The following L3MBTL1 variants were observed in gnomAD, a reference collection of about 807,000 sequenced individuals.
L3MBTL1 encodes the protein lethal(3)malignant brain tumor-like protein 1.
A neutral mutation model predicts 105.3 loss-of-function variants in L3MBTL1; 75 were observed. The observed-to-expected ratio is 0.71, with a 90% CI of 0.59 to 0.86. The LOEUF (loss-of-function observed/expected upper bound fraction) is 0.86, where lower values mean the gene tolerates loss of function less well. Ranked by LOEUF, L3MBTL1 falls within the 40% of genes least tolerant of loss-of-function variation. The pLI is 0.00. For missense variants in L3MBTL1, 1,069 were observed against 1,126.4 expected (o/e 0.95, Z 0.73); for synonymous variants, 452 against 436.2 (o/e 1.04, Z -0.45).
Position 43,516,105 on chromosome 20 carries a change from GAAGGA to G in L3MBTL1, c.796_800del (p.Lys266ProfsTer8). On this transcript the variant is annotated frameshift_variant, in exon 7 of 22. Transcript: ENST00000418998. LOFTEE classifies it high-confidence loss of function. The stretch of plus-strand genomic sequence containing the variant: ...TTGCCTTCTACAGGAGAAGCAAGAA[GAAGGA>G]AAGGACCCAGAGGGACAACCCACTG... 5 of 1,613,910 alleles carry G rather than the reference GAAGGA, an allele frequency of 3.1e-6. No homozygotes were observed. Among genetic ancestry groups the G allele is most frequent in the Non-Finnish European group, 3.4e-6 (4 of 1,179,826 alleles).
chr20:43,524,710 G>A (rs933894268), intron 7 of L3MBTL1, among the ~76,000 whole-genome samples: 7 of 151,078 alleles, frequency 4.6e-5, no homozygotes, highest in African/African-American at 9.7e-5. Context: ...CTATGGCTAC[G>A]TCTTGAAGGA....
intron 7 of L3MBTL1, among the ~76,000 whole-genome samples, chr20:43,516,826 C>G (rs748521751): frequency 2.0e-5 from 3 of 151,924 alleles, no homozygotes; most frequent in African/African-American, 7.3e-5. Context: ...CCGGGTCTTG[C>G]TCTGTTGCCC....
rs535640883 is a variant in L3MBTL1 at position 43,541,509 on chromosome 20, C to G, written c.*381C>G. The G allele has an allele frequency of 5.3e-5, 10 of 188,814 alleles. No individual in the cohort carries two copies. The East Asian group carries it at 1.1e-3, about 21-fold the overall frequency. The allele number at this position is 188,814 out of a possible 1,614,324, so 11.7% of individuals were successfully genotyped here. On this transcript the variant is annotated 3_prime_UTR_variant, in exon 22 of 22. Coordinates refer to ENST00000418998, the MANE Select transcript of L3MBTL1 (RefSeq NM_001377303.1). ...GGGATACATTCTTAGAAATGTGTCACTAGGCAATTCTGTCATTGTGTAAAC... is the reference window on the plus strand; with the variant it reads ...GGGATACATTCTTAGAAATGTGTCAGTAGGCAATTCTGTCATTGTGTAAAC...
At position 43,536,413 on chromosome 20, in the gene L3MBTL1, G is replaced by C; in HGVS notation, c.2128G>C (p.Gly710Arg). Residue 710 changes from glycine (G) to arginine (R), a missense_variant, in exon 19 of 22, where the codon GGA becomes CGA. Gly to Arg is a moderately radical substitution (Grantham distance 125). Coordinates refer to ENST00000418998, the MANE Select transcript of L3MBTL1 (RefSeq NM_001377303.1). ...ACCTGGTCCGTCTTTCTCCAGAATT[G>C]GACGCCCTCCGAAGTATCGAAAGAT... ...RKKPRHHGRI[G>R]RPPKYRKIPQ... 1 of 1,614,054 alleles carries C rather than the reference G, an allele frequency of 6.2e-7. No homozygotes were observed. Among genetic ancestry groups the C allele is most frequent in the Non-Finnish European group, 8.5e-7 (1 of 1,180,034 alleles).
At position 43,514,338 on chromosome 20, in the gene L3MBTL1, CTG is replaced by C. The variant is rs980574625; in HGVS notation, c.360+281_360+282del. Reference sequence around the variant, plus strand: ...TTAGACTGGGGCACCCTGAGTGGGCCTGTGTTAGTTTGGGGGCGTGGCTTAGA... The same window carrying C: ...TTAGACTGGGGCACCCTGAGTGGGCCTGTTAGTTTGGGGGCGTGGCTTAGA... On this transcript the variant is annotated intron_variant, in intron 3 of 21. Coordinates refer to ENST00000418998, the MANE Select transcript of L3MBTL1 (RefSeq NM_001377303.1). 6.2e-6 allele frequency: 7 copies of C among 1,125,652 alleles called. No homozygotes were observed. The South Asian group carries it at 9.9e-5, about 16-fold the overall frequency. 69.7% of individuals were successfully genotyped at this position (1,125,652 alleles called of 1,614,324 possible). A position where few individuals can be genotyped will look rare whatever the true frequency, so the allele number is the denominator to read the frequency against.
chr20:43,514,513 A>C (rs765949414), intron 3 of L3MBTL1, 122 bp from the exon 4 acceptor site: 13 of 1,551,190 alleles, frequency 8.4e-6, no homozygotes, highest in South Asian at 2.4e-5. Flanking sequence ...CCTGGCGTGG[A>C]GTCTTGAGGC....
chr20:43,523,692 A>G, intron 7 of L3MBTL1: 1 of 154,822 alleles, frequency 6.5e-6, no homozygotes, highest in East Asian at 1.9e-4. Context: ...TATCTATAGG[A>G]CATTTTTAAA....
chr20:43,540,447 C>A, intron 20 of L3MBTL1, 139 bp downstream of exon 20: 1 of 986,544 alleles, frequency 1.0e-6, no homozygotes, highest in Non-Finnish European at 1.5e-6. Flanking sequence ...TGTGCACAGT[C>A]CCTTCTAGCT....
In L3MBTL1 at chr20:43,541,112, G is replaced by T. The variant is rs760372214; in HGVS notation, c.2573G>T (p.Ser858Ile). 22 of 1,613,886 alleles carry T rather than the reference G, an allele frequency of 1.4e-5. No homozygotes were observed. The highest frequency in any genetic ancestry group is 1.8e-5 in the Non-Finnish European group (21 of 1,179,810). The change falls in exon 22 of 22, where the codon AGT becomes ATT. Residue 858 changes from serine to isoleucine, a missense_variant. By Grantham distance (142) the Ser-to-Ile change is moderately radical. Transcript: ENST00000418998. ...TTGCTTGCCAAACTTAGCTTTGCCA[G>T]TGATAGTCAATATTAAAGTGTACTT... is the stretch of plus-strand genomic sequence containing the variant. Reference protein sequence around the residue: ...THLLAKLSFASDSQY With the variant: ...THLLAKLSFAIDSQY
At chr20:43,508,336 G>T (rs982897999) in intron 1 of L3MBTL1, among the ~76,000 whole-genome samples, 11 of 152,154 alleles carry the variant, frequency 7.2e-5, no homozygotes, top group Admixed American at 2.6e-4. Flanking sequence ...GAGGCTGGTG[G>T]CGGGTCCCGA....
rs1428159707 is a variant in L3MBTL1, at chr20:43,513,499, CT to C, written c.-4del. 1 of 1,549,984 alleles carries C rather than the reference CT, an allele frequency of 6.5e-7. No individual in the cohort carries two copies. The highest frequency in any genetic ancestry group is 8.7e-7 in the Non-Finnish European group (1 of 1,146,592). ...AGGCCTGCCAGGATGGAGGGGCATGCTGGGATGGAGGGGCATGCTGAAATGG... is the reference window on the plus strand; with the variant it reads ...AGGCCTGCCAGGATGGAGGGGCATGCGGGATGGAGGGGCATGCTGAAATGG... On this transcript the variant is annotated 5_prime_UTR_variant, in exon 2 of 22. Coordinates refer to ENST00000418998, the MANE Select transcript of L3MBTL1 (RefSeq NM_001377303.1).
intron 7 of L3MBTL1, among the ~76,000 whole-genome samples, chr20:43,526,683 A>G (rs2019049507): frequency 6.6e-6 from 1 of 152,128 alleles, no homozygotes; most frequent in African/African-American, 2.4e-5. Context: ...TTCTAGGCCG[A>G]GTGCGGTGGT....
downstream of L3MBTL1, chr20:43,541,979 G>A (rs1284693393): frequency 8.6e-6 from 7 of 815,786 alleles, no homozygotes; most frequent in Non-Finnish European, 1.0e-5. Flanking sequence ...GGGAGGCCAC[G>A]GTGGGTGGAT....
Position 43,514,690 on chromosome 20 carries a change from G to T in L3MBTL1, c.416G>T (p.Ser139Ile), listed in dbSNP as rs17857202. Residue 139 changes from serine to isoleucine, a missense_variant, in exon 4 of 22, where the codon AGC becomes ATC. Ser to Ile is a moderately radical substitution (Grantham distance 142, BLOSUM62 -2). Coordinates refer to ENST00000418998, the MANE Select transcript of L3MBTL1 (RefSeq NM_001377303.1). Reference protein sequence around the residue: ...LNMAGVEQPPSPELRQEGVTE... With the variant: ...LNMAGVEQPPIPELRQEGVTE... ...ATGGCGGGAGTGGAGCAGCCCCCGAGCCCCGAGCTGCGGCAGGAAGGCGTG... is the reference window on the plus strand; with the variant it reads ...ATGGCGGGAGTGGAGCAGCCCCCGATCCCCGAGCTGCGGCAGGAAGGCGTG... The T allele has an allele frequency of 6.3e-7, 1 of 1,587,078 alleles. No individual in the cohort carries two copies. The highest frequency in any genetic ancestry group is 8.6e-7 in the Non-Finnish European group (1 of 1,167,024).
chr20:43,519,264 G>C (rs2018580176), intron 7 of L3MBTL1, among the ~76,000 whole-genome samples: 1 of 150,976 alleles, frequency 6.6e-6, no homozygotes, highest in Non-Finnish European at 1.5e-5. Context: ...TTGAACCCAG[G>C]AGGCAGAGGT....
At chr20:43,514,516 C>G in intron 3 of L3MBTL1, 119 bp from the exon 4 acceptor site, 1 of 1,558,128 alleles carries the variant, frequency 6.4e-7, no homozygotes, top group Non-Finnish European at 8.7e-7. Flanking sequence ...GGCGTGGAGT[C>G]TTGAGGCCTG....
At chr20:43,541,929 G>C (rs529099583), downstream of L3MBTL1, 11 of 984,748 alleles carry the variant, frequency 1.1e-5, no homozygotes, top group Non-Finnish European at 1.3e-5. Context: ...GAACTTTGTC[G>C]GCCGGGCACA....
chr20:43,530,251 C>A (rs369437899), intron 9 of L3MBTL1, 33 bp from the exon 10 acceptor site: 1 of 1,613,174 alleles, frequency 6.2e-7, no homozygotes, highest in African/African-American at 1.3e-5. Context: ...CATCTCCTGA[C>A]ATTGGAGTTC....
At chr20:43,512,814 C>G (rs911994670) in intron 1 of L3MBTL1, among the ~76,000 whole-genome samples, 5 of 152,252 alleles carry the variant, frequency 3.3e-5, no homozygotes, top group African/African-American at 1.2e-4. Flanking sequence ...AATGCTTCTA[C>G]TGCCTTTGCG....
Sources: gnomAD v4.1 joint callset for allele counts (sites outside exome capture counted in the v4.1 genomes callset) on GRCh38, gnomAD v4.1.1 for gene constraint, MANE v1.5 for transcripts, NCBI Gene and HGNC (gene_info 2026-07-23, HGNC 2026-07-21) for gene names.